Variants in SIRPD observed in about 807,000 individuals in gnomAD.
SIRPD encodes the protein signal-regulatory protein delta.
Under a neutral mutation model 18.0 loss-of-function variants are expected in SIRPD, and 21 were observed. That is an observed-to-expected ratio of 1.17 (90% confidence interval 0.83 to 1.68). The LOEUF is 1.68. Among genes scored for constraint, SIRPD ranks in the 40% most tolerant of loss-of-function variants. SIRPD has a pLI of 0.00. For synonymous variants in SIRPD, 106 were observed against 92.9 expected (o/e 1.14, Z -0.81); for missense variants, 295 against 238.4 (o/e 1.24, Z -1.56).
chr20:1,552,299 G>A (rs2091023012), intron 1 of SIRPD, among the ~76,000 whole-genome samples: 1 of 152,152 alleles, frequency 6.6e-6, no homozygotes, highest in Admixed American at 6.5e-5. Context: ...CAGGGAGAGA[G>A]AAGGGGCAAT....
chr20:1,550,294 G>A (rs925489613), intron 2 of SIRPD, among the ~76,000 whole-genome samples: 7 of 152,120 alleles, frequency 4.6e-5, no homozygotes, highest in East Asian at 3.8e-4. Flanking sequence ...TAGCAACAAC[G>A]AATAAAATGT....
intron 2 of SIRPD, 29 bp downstream of exon 2, chr20:1,551,662 G>A (rs770754543): frequency 1.3e-6 from 2 of 1,520,794 alleles, no homozygotes; most frequent in East Asian, 4.5e-5. Flanking sequence ...TATACACCAG[G>A]GGGTATGGGG....
At position 1,551,959 on chromosome 20, in the gene SIRPD, G is replaced by A. The variant is rs751691575; in HGVS notation, c.153C>T (p.Cys51=). 2.5e-6 allele frequency: 4 copies of A among 1,613,900 alleles called. No homozygotes were observed. The Admixed American group carries it at 5.0e-5, about 20-fold the overall frequency. The change falls in exon 2 of 4, where the codon TGC becomes TGT. Residue 51 remains cysteine, a synonymous_variant. Coordinates refer to ENST00000381623, the MANE Select transcript of SIRPD (RefSeq NM_178460.3). ...CATTTGGTAAGGTATTGGGTACGCT[G>A]CAACTCAAGATGATTGACTCCCCAG... The part of the protein sequence containing the change: ...VSTGESIILS[C]SVPNTLPNGP...
Position 1,557,643 on chromosome 20 carries a change from G to C in SIRPD, c.11C>G (p.Pro4Arg). Reference sequence around the variant, plus strand: ...CAGAGGTGGGTGGAGTGGGGAGGCAGGGATGGGCATTGTGGTGAAACCTGG... The same window carrying C: ...CAGAGGTGGGTGGAGTGGGGAGGCACGGATGGGCATTGTGGTGAAACCTGG... Reference protein sequence around the residue: MPIPASPLHPPLPS... With the variant: MPIRASPLHPPLPS... The change falls in exon 1 of 4, where the codon CCT becomes CGT. Residue 4 changes from proline to arginine, a missense_variant. Pro to Arg is a moderately radical substitution (Grantham distance 103, BLOSUM62 -2). Transcript: ENST00000381623. 2 of 1,611,220 alleles carry C rather than the reference G, an allele frequency of 1.2e-6. No homozygotes were observed. The highest frequency in any genetic ancestry group is 1.7e-6 in the Non-Finnish European group (2 of 1,178,718).
At chr20:1,555,408 G>A (rs1308238172) in intron 1 of SIRPD, among the ~76,000 whole-genome samples, 2 of 152,172 alleles carry the variant, frequency 1.3e-5, no homozygotes, top group African/African-American at 2.4e-5. Context: ...TGAGGAATAG[G>A]TTCTGGTGAT....
Position 1,551,984 on chromosome 20 carries a change from G to A in SIRPD, c.128C>T (p.Thr43Ile). The change falls in exon 2 of 4, where the codon ACT becomes ATT. Residue 43 changes from threonine to isoleucine, a missense_variant. By Grantham distance (89) the Thr-to-Ile change is moderately conservative. Transcript: ENST00000381623. ...QQTEMSQTVS[T>I]GESIILSCSV... Reference sequence around the variant, plus strand: ...GCAACTCAAGATGATTGACTCCCCAGTTGATACAGTCTGTGACATCTCCGT... The same window carrying A: ...GCAACTCAAGATGATTGACTCCCCAATTGATACAGTCTGTGACATCTCCGT... The A allele has an allele frequency of 6.2e-7, 1 of 1,614,088 alleles. No individual in the cohort carries two copies. The highest frequency in any genetic ancestry group is 1.3e-5 in the African/African-American group (1 of 75,034).
chr20:1,539,940 A>G (rs1399012637), intron 2 of SIRPD, among the ~76,000 whole-genome samples: 1 of 152,214 alleles, frequency 6.6e-6, no homozygotes, highest in Non-Finnish European at 1.5e-5. Context: ...TTGCAGCCTT[A>G]AAAGAGACCT....
intron 1 of SIRPD, among the ~76,000 whole-genome samples, chr20:1,557,133 G>T (rs1218301036): frequency 1.3e-5 from 2 of 152,060 alleles, no homozygotes; most frequent in Admixed American, 6.6e-5. Flanking sequence ...CGTGCTTGTA[G>T]TCCCAGCTAC....
chr20:1,550,553 T>G (rs992470157), intron 2 of SIRPD, among the ~76,000 whole-genome samples: 11 of 152,238 alleles, frequency 7.2e-5, no homozygotes, highest in Non-Finnish European at 1.3e-4. Context: ...TCCAATCCTT[T>G]AGTCCCTGGT....
chr20:1,547,928 G>T (rs1419670693), intron 2 of SIRPD, among the ~76,000 whole-genome samples: 1 of 151,974 alleles, frequency 6.6e-6, no homozygotes, highest in East Asian at 1.9e-4. Context: ...TTTGTATATT[G>T]AACTGTACTC....
chr20:1,539,215 T>C (rs1466275711), intron 2 of SIRPD, among the ~76,000 whole-genome samples: 23 of 152,202 alleles, frequency 1.5e-4, no homozygotes, highest in Non-Finnish European at 1.5e-5. Flanking sequence ...TTTTCTAGTA[T>C]CTGTGGTAAT....
chr20:1,534,534 A>G, intron 3 of SIRPD, 93 bp from the exon 4 acceptor site: 2 of 1,315,712 alleles, frequency 1.5e-6, no homozygotes, highest in East Asian at 2.5e-5. Context: ...CTTAGCAAAC[A>G]TGAAAAAGAT....
In SIRPD at chr20:1,551,904, G is replaced by A. The variant is rs1222034675; in HGVS notation, c.208C>T (p.Pro70Ser). 1 of 1,614,058 alleles carries A rather than the reference G, an allele frequency of 6.2e-7. No individual in the cohort carries two copies. ...GPVLWFKGTG[P>S]NRKLIYNFKQ... ...AAATTGTAGATTAATTTCCGGTTTGGCCCTGTTCCCTTGAACCACAAGACA... is the reference window on the plus strand; with the variant it reads ...AAATTGTAGATTAATTTCCGGTTTGACCCTGTTCCCTTGAACCACAAGACA... Residue 70 changes from proline to serine, a missense_variant, in exon 2 of 4, where the codon CCA becomes TCA. By Grantham distance (74) the Pro-to-Ser change is moderately conservative (BLOSUM62 -1). Coordinates refer to ENST00000381623, the MANE Select transcript of SIRPD (RefSeq NM_178460.3).
chr20:1,552,985 T>C (rs2091025960), intron 1 of SIRPD, among the ~76,000 whole-genome samples: 1 of 152,136 alleles, frequency 6.6e-6, no homozygotes, highest in African/African-American at 2.4e-5. Flanking sequence ...AATACCACTG[T>C]ATTTCATGAC....
In SIRPD at chr20:1,551,692, A is replaced by G. The variant is rs374651395; in HGVS notation, c.420T>C (p.Thr140=). The G allele has an allele frequency of 2.5e-6, 4 of 1,610,196 alleles. No individual in the cohort carries two copies. Among genetic ancestry groups the G allele is most frequent in the Non-Finnish European group, 2.5e-6 (3 of 1,177,390 alleles). The part of the protein sequence containing the change: ...QSGRGTQVFV[T]EQNPRPPKNR... ...ATGGGGTATAGGAGACATACTCACC[A>G]GTAACAAACACCTGAGTGCCCCGAC... The change falls in exon 2 of 4, where the codon ACT becomes ACC. Residue 140 remains threonine (T), a splice_region_variant and synonymous_variant. Transcript: ENST00000381623.
chr20:1,543,551 T>C (rs2090981109), intron 2 of SIRPD, among the ~76,000 whole-genome samples: 1 of 152,196 alleles, frequency 6.6e-6, no homozygotes, highest in Admixed American at 6.5e-5. Context: ...ATCTGTTTTG[T>C]TAATGTTTTA....
chr20:1,543,042 T>C (rs1365904070), intron 2 of SIRPD, among the ~76,000 whole-genome samples: 1 of 152,224 alleles, frequency 6.6e-6, no homozygotes, highest in Non-Finnish European at 1.5e-5. Context: ...CAGTATTTTA[T>C]TGAGGATTTT....
At chr20:1,552,594 G>C (rs1416222916) in intron 1 of SIRPD, among the ~76,000 whole-genome samples, 1 of 152,172 alleles carries the variant, frequency 6.6e-6, no homozygotes, top group Non-Finnish European at 1.5e-5. Flanking sequence ...AGAGAGAAGG[G>C]AGAGGGTTTC....
chr20:1,552,931 A>G (rs1221150322), intron 1 of SIRPD, among the ~76,000 whole-genome samples: 6 of 152,168 alleles, frequency 3.9e-5, no homozygotes, highest in Admixed American at 1.3e-4. Context: ...CAAGGGAAAC[A>G]TTACTGGGAA....
Sources: gnomAD v4.1 joint callset for allele counts (sites outside exome capture counted in the v4.1 genomes callset) on GRCh38, gnomAD v4.1.1 for gene constraint, MANE v1.5 for transcripts, NCBI Gene and HGNC (gene_info 2026-07-23, HGNC 2026-07-21) for gene names.